The following GOLGA6L9 variants were observed in gnomAD, a reference collection of about 807,000 sequenced individuals.
GOLGA6L9 encodes golgin A6 family like 9.
In GOLGA6L9, 19 loss-of-function variants were observed where a neutral mutation model predicts 51.3. The ratio of observed to expected loss-of-function variants is 0.37; its 90% CI spans 0.26 to 0.54. The LOEUF (loss-of-function observed/expected upper bound fraction) is 0.54. GOLGA6L9 is among the 20% of genes least tolerant of loss of function. GOLGA6L9 has a pLI of 0.83. For missense variants in GOLGA6L9, 247 were observed against 464.1 expected, an observed-to-expected ratio of 0.53 and a Z score of 4.30; for synonymous variants, 97 against 184.2, an observed-to-expected ratio of 0.53 and a Z score of 3.83.
At chr15:82,427,229 TCTTC>T (rs2031223629), upstream of GOLGA6L9, among the ~76,000 whole-genome samples, 2 of 107,020 alleles carry the variant, frequency 1.9e-5, no homozygotes, top group South Asian at 5.0e-4. Flanking sequence ...TTTCTTTCTT[TCTTC>T]TTCTTCCTTC....
upstream of GOLGA6L9, among the ~76,000 whole-genome samples, chr15:82,429,577 A>G (rs1223112980): frequency 2.2e-3 from 331 of 152,292 alleles, no homozygotes; most frequent in African/African-American, 7.4e-3. Flanking sequence ...TATAGGGTCT[A>G]TATCTCAGTT....
At chr15:82,420,033 C>T in the GOLGA6L9 span, 2 of 443,804 alleles carry the variant, frequency 4.5e-6, no homozygotes, top group Non-Finnish European at 9.0e-6. Flanking sequence ...TAAAAGCCAC[C>T]TGAGTCAAAG....
chr15:82,419,347 T>C, the GOLGA6L9 span: 1 of 151,306 alleles, frequency 6.6e-6, no homozygotes, highest in Non-Finnish European at 1.5e-5. Flanking sequence ...GACATTTTAG[T>C]GTTTTTTTTT....
the GOLGA6L9 span, among the ~76,000 whole-genome samples, chr15:82,419,668 A>G: frequency 6.6e-6 from 1 of 152,084 alleles, no homozygotes; most frequent in Non-Finnish European, 1.5e-5. Context: ...AAAACAAAAC[A>G]AAACAAAAAA....
chr15:82,429,507 AATGTCGGATACT>A (rs1262265772), upstream of GOLGA6L9, among the ~76,000 whole-genome samples: 2 of 152,208 alleles, frequency 1.3e-5, no homozygotes, highest in African/African-American at 4.8e-5. Context: ...CTGTTATTGG[AATGTCGGATACT>A]ATAGTCAGCT....
chr15:82,436,473 T>C lies in GOLGA6L9; in HGVS notation c.*62T>C. ...TTTAAGGGGTTAATATCCTACACAATTCATTTACTTCATTTGAATGTTAGA... is the reference window on the plus strand; with the variant it reads ...TTTAAGGGGTTAATATCCTACACAACTCATTTACTTCATTTGAATGTTAGA... On this transcript the variant is annotated 3_prime_UTR_variant, in exon 9 of 9. Transcript: ENST00000618348. 6.5e-7 allele frequency: 1 copy of C among 1,535,868 alleles called. No individual in the cohort carries two copies. Among genetic ancestry groups the C allele is most frequent in the South Asian group, 1.2e-5 (1 of 84,032 alleles).
At chr15:82,427,457 G>A (rs1232046370), upstream of GOLGA6L9, among the ~76,000 whole-genome samples, 16 of 150,270 alleles carry the variant, frequency 1.1e-4, no homozygotes, top group African/African-American at 3.9e-4. Flanking sequence ...AAGCTCCAAA[G>A]TCACATTTCA....
rs1411893362 is a variant in GOLGA6L9 at position 82,434,146 on chromosome 15, T to C, written c.546T>C (p.Ala182=). 5 of 1,534,002 alleles carry C rather than the reference T, an allele frequency of 3.3e-6. No homozygotes were observed. The East Asian group carries it at 1.2e-4, about 37-fold the overall frequency. ...AGAGTGTGGGAAGACAGCTCCAGGC[T>C]GAGGTGGAAAACAATCAGATGTTGA... ...ELESVGRQLQ[A]EVENNQMLSL... The change falls in exon 6 of 9, where the codon GCT becomes GCC. Residue 182 remains alanine, a synonymous_variant. Transcript: ENST00000618348.
At chr15:82,427,226 CT>C (rs1306089058), upstream of GOLGA6L9, among the ~76,000 whole-genome samples, 11 of 95,726 alleles carry the variant, frequency 1.1e-4, no homozygotes, top group African/African-American at 7.0e-4. Context: ...TTGTTTCTTT[CT>C]TTCTTCTTCT....
upstream of GOLGA6L9, among the ~76,000 whole-genome samples, chr15:82,429,251 T>C (rs1161097922): frequency 6.6e-6 from 1 of 151,874 alleles, no homozygotes; most frequent in Non-Finnish European, 1.5e-5. Flanking sequence ...GTTTTTGTAT[T>C]TTTAGTAGAG....
Position 82,434,042 on chromosome 15 carries a change from C to T in GOLGA6L9, c.442C>T (p.Leu148=). 1 of 1,529,572 alleles carries T rather than the reference C, an allele frequency of 6.5e-7. No homozygotes were observed. 94.8% of individuals were successfully genotyped at this position (1,529,572 alleles called of 1,614,324 possible). Reference sequence around the variant, plus strand: ...TCTGCTTGCTTTCTCAGCTGAACCCCTGGCCCCACAGCCCCCAGCAGGGCC... The same window carrying T: ...TCTGCTTGCTTTCTCAGCTGAACCCTTGGCCCCACAGCCCCCAGCAGGGCC... The part of the protein sequence containing the change: ...FKLKNQTAEP[L]APQPPAGPSK... The change falls in exon 6 of 9, where the codon CTG becomes TTG. Residue 148 remains leucine, a synonymous_variant. Transcript: ENST00000618348.
chr15:82,436,541 T>C lies in GOLGA6L9; in HGVS notation c.*130T>C. The C allele has an allele frequency of 8.0e-7, 1 of 1,257,060 alleles. No homozygotes were observed. The highest frequency in any genetic ancestry group is 1.1e-6 in the Non-Finnish European group (1 of 928,552). 77.9% of individuals were successfully genotyped at this position (1,257,060 alleles called of 1,614,324 possible). ...TTCTAATTTATAGTTTAAATTTATT[T>C]GTGTTTCTAATTTATAGTTTAAATT... is the stretch of plus-strand genomic sequence containing the variant. On this transcript the variant is annotated 3_prime_UTR_variant, in exon 9 of 9. Coordinates refer to ENST00000618348, the MANE Select transcript of GOLGA6L9 (RefSeq NM_198181.4).
chr15:82,416,447 A>G, the GOLGA6L9 span, among the ~76,000 whole-genome samples: 5 of 152,188 alleles, frequency 3.3e-5, no homozygotes, highest in African/African-American at 1.2e-4. Context: ...GCAGAAGAGA[A>G]TATGAGACAC....
chr15:82,417,909 G>A, the GOLGA6L9 span, among the ~76,000 whole-genome samples: 1 of 152,364 alleles, frequency 6.6e-6, no homozygotes, highest in South Asian at 2.1e-4. Flanking sequence ...GAGTGAGAGA[G>A]AGATTTCAAA....
chr15:82,424,261 G>A, the GOLGA6L9 span, among the ~76,000 whole-genome samples: 64 of 151,674 alleles, frequency 4.2e-4, 1 homozygote, highest in Non-Finnish European at 7.2e-4. Flanking sequence ...TAGTAAAGAC[G>A]AGGTTTCACC....
chr15:82,416,748 ATTACTGAGGAGTTTTG>A, the GOLGA6L9 span, among the ~76,000 whole-genome samples: 2 of 152,172 alleles, frequency 1.3e-5, no homozygotes, highest in African/African-American at 4.8e-5. Context: ...TTCTAGATAG[ATTACTGAGGAGTTTTG>A]TTCCATTTAT....
chr15:82,429,338 G>C (rs2031315010), upstream of GOLGA6L9, among the ~76,000 whole-genome samples: 2 of 152,296 alleles, frequency 1.3e-5, no homozygotes, highest in Non-Finnish European at 2.9e-5. Context: ...GCCTCCCAAA[G>C]TGATGGCATT....
upstream of GOLGA6L9, among the ~76,000 whole-genome samples, chr15:82,427,237 TTCC>T (rs2031224027): frequency 7.0e-5 from 10 of 143,168 alleles, no homozygotes; most frequent in African/African-American, 2.7e-4. Flanking sequence ...TTTCTTCTTC[TTCC>T]TTCCTTGCTT....
chr15:82,416,414 GTT>G, the GOLGA6L9 span, among the ~76,000 whole-genome samples: 5 of 152,226 alleles, frequency 3.3e-5, no homozygotes, highest in South Asian at 1.0e-3. Flanking sequence ...TAAAGAAACT[GTT>G]TTAGAATAAA....
Sources: gnomAD v4.1 joint callset for allele counts (sites outside exome capture counted in the v4.1 genomes callset) on GRCh38, gnomAD v4.1.1 for gene constraint, MANE v1.5 for transcripts, NCBI Gene and HGNC (gene_info 2026-07-23, HGNC 2026-07-21) for gene names.